Variants in RBFOX3 observed in about 807,000 individuals in gnomAD.
The protein encoded by RBFOX3 is RNA binding fox-1 homolog 3.
RBFOX3 carries 17 observed loss-of-function variants against 48.7 expected under a neutral mutation model. That is an observed-to-expected ratio of 0.35 (90% CI 0.24 to 0.52). The LOEUF (loss-of-function observed/expected upper bound fraction) is 0.52, where lower values mean the gene tolerates loss of function less well. Ranked by LOEUF, RBFOX3 falls within the 20% of genes least tolerant of loss-of-function variation. RBFOX3 has a pLI of 0.94. For synonymous variants in RBFOX3, 212 were observed against 209.5 expected, an observed-to-expected ratio of 1.01 and a Z score of -0.10; for missense variants, 382 against 497.5, an observed-to-expected ratio of 0.77 and a Z score of 2.21.
chr17:79,525,821 T>C (rs1363510268), intron 1 of RBFOX3, among the ~76,000 whole-genome samples: 4 of 152,240 alleles, frequency 2.6e-5, no homozygotes, highest in Non-Finnish European at 5.9e-5. Flanking sequence ...CTTTAGAATT[T>C]CAACCTGTCT....
intron 2 of RBFOX3, among the ~76,000 whole-genome samples, chr17:79,439,776 A>G (rs905460907): frequency 4.6e-5 from 7 of 152,262 alleles, no homozygotes; most frequent in Non-Finnish European, 8.8e-5. Context: ...ACATGCATGC[A>G]CACACACATA....
the RBFOX3 span, among the ~76,000 whole-genome samples, chr17:79,657,157 G>A: frequency 3.9e-5 from 6 of 152,294 alleles, no homozygotes; most frequent in African/African-American, 1.2e-4. Context: ...AGGAGGAAGG[G>A]GAGGAAGGAG....
the RBFOX3 span, among the ~76,000 whole-genome samples, chr17:79,620,181 A>G: frequency 1.4e-5 from 2 of 140,478 alleles, no homozygotes; most frequent in Non-Finnish European, 3.0e-5. Context: ...ACATGCACAC[A>G]CATGTGCACA....
At position 79,546,417 on chromosome 17, in the gene RBFOX3, A is replaced by G. The variant is rs78068461; in HGVS notation, c.-319-63819T>C. On this transcript the variant is annotated intron_variant, in intron 1 of 14. Coordinates refer to ENST00000693108, the MANE Select transcript of RBFOX3 (RefSeq NM_001350451.2). ...CTGAAGTGTGGCTCTGAATAAGCAC[A>G]GAGCCCTATCTGCTCTAAGCCCTTG... 0.013 allele frequency among the ~76,000 whole-genome samples: 2,005 copies of G among 152,304 alleles called. 185 individuals carry two copies. In the East Asian group the frequency reaches 0.27, roughly 20 times the overall value.
chr17:79,593,660 A>C (rs2093485072), intron 1 of RBFOX3, among the ~76,000 whole-genome samples: 2 of 152,160 alleles, frequency 1.3e-5, no homozygotes, highest in African/African-American at 4.8e-5. Flanking sequence ...TAACTTTGTG[A>C]TGTGGTTGTG....
chr17:79,138,994 CACAT>C (rs2041296176), intron 4 of RBFOX3, among the ~76,000 whole-genome samples: 2 of 141,014 alleles, frequency 1.4e-5, no homozygotes, highest in Admixed American at 7.0e-5. Context: ...CCCCCTCACA[CACAT>C]GCACACAGCA....
chr17:79,381,872 G>A (rs1009702667), intron 2 of RBFOX3, among the ~76,000 whole-genome samples: 1 of 152,170 alleles, frequency 6.6e-6, no homozygotes, highest in African/African-American at 2.4e-5. Context: ...CAGACAGAAG[G>A]GAACCAGCCT....
rs2148056266 is a variant in RBFOX3, at chr17:79,243,280, A to G, written c.-73-7475T>C. 6.6e-6 allele frequency among the ~76,000 whole-genome samples: 1 copy of G among 152,188 alleles called. No individual in the cohort carries two copies. Among genetic ancestry groups the G allele is most frequent in the East Asian group, 1.9e-4 (1 of 5,160 alleles). On this transcript the variant is annotated intron_variant, in intron 3 of 14. Coordinates refer to ENST00000693108, the MANE Select transcript of RBFOX3 (RefSeq NM_001350451.2). The surrounding 1 kb of genome is among the most constrained non-coding windows in gnomAD (Gnocchi z 7.9). ...CCAAGCACTCCCGGATAAACCCTGG[A>G]GTGTCAGAGTGAGCAGGGGGCAAAC... is the stretch of plus-strand genomic sequence containing the variant.
chr17:79,400,601 G>C (rs1334605553), intron 2 of RBFOX3, among the ~76,000 whole-genome samples: 2 of 151,238 alleles, frequency 1.3e-5, no homozygotes, highest in Admixed American at 1.3e-4. Context: ...TGTTGGGGGT[G>C]GGTGAAGTGA....
Position 79,372,567 on chromosome 17 carries a change from C to G in RBFOX3, c.-174-64743G>C, listed in dbSNP as rs547131213. On this transcript the variant is annotated intron_variant, in intron 2 of 14. Transcript: ENST00000693108. The stretch of plus-strand genomic sequence containing the variant: ...GGGTCTTTCTCCATTCTAAATCCCC[C>G]CCAGATCCCTGCCAGGATGAACAGC... Among the ~76,000 whole-genome samples the G allele has an allele frequency of 2.0e-5, 3 of 152,234 alleles. No individual in the cohort carries two copies. The South Asian group carries it at 6.2e-4, about 32-fold the overall frequency.
At position 79,220,282 on chromosome 17, in the gene RBFOX3, TG is replaced by T. The variant is rs1328124167; in HGVS notation, c.-34+15483del. 6.6e-6 allele frequency among the ~76,000 whole-genome samples: 1 copy of T among 152,130 alleles called. No homozygotes were observed. Among genetic ancestry groups the T allele is most frequent in the Non-Finnish European group, 1.5e-5 (1 of 68,004 alleles). ...GAAGCGGCCGCTGGCGGCAGGTTGGTGGGGGTAGGGGCTTGGTCCCCCAACG... is the reference window on the plus strand; with the variant it reads ...GAAGCGGCCGCTGGCGGCAGGTTGGTGGGGTAGGGGCTTGGTCCCCCAACG... On this transcript the variant is annotated intron_variant, in intron 4 of 14. Transcript: ENST00000693108. This position sits in a 1 kb window ranked among gnomAD's most constrained non-coding sequence, Gnocchi z 5.9.
At chr17:79,625,834 G>A in the RBFOX3 span, among the ~76,000 whole-genome samples, 1 of 152,222 alleles carries the variant, frequency 6.6e-6, no homozygotes, top group Non-Finnish European at 1.5e-5. Context: ...GTGGGCATGT[G>A]GCCCACTCTC....
intron 3 of RBFOX3, among the ~76,000 whole-genome samples, chr17:79,277,615 G>C (rs1474614231): frequency 7.2e-5 from 11 of 152,212 alleles, no homozygotes; most frequent in African/African-American, 1.4e-4. Context: ...AACCTCCCCA[G>C]GCTCACTGCC....
At chr17:79,256,614 T>C (rs1027856158) in intron 3 of RBFOX3, among the ~76,000 whole-genome samples, 2 of 152,090 alleles carry the variant, frequency 1.3e-5, no homozygotes. Flanking sequence ...TCCCCTTTCT[T>C]CTAAGAAAGG....
chr17:79,637,523 G>A, the RBFOX3 span, among the ~76,000 whole-genome samples: 37 of 151,768 alleles, frequency 2.4e-4, no homozygotes, highest in African/African-American at 8.2e-4. Context: ...GTGAAACCCC[G>A]TTTCTATTAA....
At chr17:79,246,631 A>G (rs1417436467) in intron 3 of RBFOX3, among the ~76,000 whole-genome samples, 2 of 152,194 alleles carry the variant, frequency 1.3e-5, no homozygotes, top group East Asian at 3.9e-4. Context: ...GTGGAGAGCC[A>G]GCCTGCCTAT....
Position 79,480,328 on chromosome 17 carries a change from C to T in RBFOX3, c.-175+2126G>A, listed in dbSNP as rs1203884228. 6.6e-6 allele frequency among the ~76,000 whole-genome samples: 1 copy of T among 152,136 alleles called. No homozygotes were observed. The highest frequency in any genetic ancestry group is 1.5e-5 in the Non-Finnish European group (1 of 68,010). The stretch of plus-strand genomic sequence containing the variant: ...CCCAGATCCACCACTCCTCTCCTCC[C>T]GGGTCCATGGCAGAGCCAGTGCTCC... On this transcript the variant is annotated intron_variant, in intron 2 of 14. Coordinates refer to ENST00000693108, the MANE Select transcript of RBFOX3 (RefSeq NM_001350451.2). This position sits in a 1 kb window ranked among gnomAD's most constrained non-coding sequence, Gnocchi z 4.8.
chr17:79,314,092 G>A (rs918811726), intron 2 of RBFOX3, among the ~76,000 whole-genome samples: 1 of 152,158 alleles, frequency 6.6e-6, no homozygotes, highest in African/African-American at 2.4e-5. Context: ...TCATGGAGGG[G>A]GCTACAGACA....
intron 4 of RBFOX3, among the ~76,000 whole-genome samples, chr17:79,166,523 G>A (rs555086153): frequency 1.3e-5 from 2 of 152,326 alleles, no homozygotes; most frequent in African/African-American, 4.8e-5. Context: ...GGAAGGGAAT[G>A]AGGGGGCTTC....
Sources: gnomAD v4.1 joint callset for allele counts (sites outside exome capture counted in the v4.1 genomes callset) on GRCh38, gnomAD v4.1.1 for gene constraint, Gnocchi (gnomAD v3.1) non-coding constraint, MANE v1.5 for transcripts, NCBI Gene and HGNC (gene_info 2026-07-23, HGNC 2026-07-21) for gene names.